Variants in KCNAB2 observed in about 807,000 individuals in gnomAD.
KCNAB2 encodes voltage-gated potassium channel subunit beta-2.
Under a neutral mutation model 63.6 loss-of-function variants are expected in KCNAB2, and 29 were observed. The observed-to-expected ratio is 0.46, with a 90% CI of 0.34 to 0.62. The LOEUF (loss-of-function observed/expected upper bound fraction) is 0.62, where lower values mean the gene tolerates loss of function less well. Among genes scored for constraint, KCNAB2 ranks in the 20% least tolerant of loss-of-function variants. The probability of loss-of-function intolerance (pLI) is 0.01; values close to 1 mark genes in which losing one functional copy is unlikely to be tolerated. For missense variants in KCNAB2, 359 were observed against 563.9 expected, an observed-to-expected ratio of 0.64 and a Z score of 3.68; for synonymous variants, 222 against 224.2, an observed-to-expected ratio of 0.99 and a Z score of 0.09.
chr1:6,072,581 C>T (rs1663297735), intron 2 of KCNAB2, among the ~76,000 whole-genome samples, 174 bp from the exon 3 acceptor site: 2 of 152,194 alleles, frequency 1.3e-5, no homozygotes, highest in African/African-American at 2.4e-5. Context: ...GGCACTTTAC[C>T]CCCGGGGTGG....
At chr1:6,052,129 G>A (rs1382850925) in intron 2 of KCNAB2, among the ~76,000 whole-genome samples, 1 of 151,316 alleles carries the variant, frequency 6.6e-6, no homozygotes, top group Non-Finnish European at 1.5e-5. Context: ...ATGTATAAAG[G>A]AAGAAAATGA....
chr1:5,998,769 C>T (rs6676799), intron 1 of KCNAB2, among the ~76,000 whole-genome samples: 2,256 of 152,306 alleles, frequency 0.015, 56 homozygotes, highest in African/African-American at 0.052. Context: ...GATTCAGCAC[C>T]ACCAGCTTCC....
chr1:6,018,828 C>T (rs1658662593), intron 1 of KCNAB2: 2 of 152,212 alleles, frequency 1.3e-5, no homozygotes, highest in South Asian at 4.1e-4. Flanking sequence ...GCTGTTTCAG[C>T]CACCCAGGTT....
In KCNAB2 at chr1:6,074,377, T is replaced by A. The variant is rs1663487129; in HGVS notation, c.300+607T>A. ...CTTGTATGCCGCCAGCGCCTCTGGG[T>A]CTCTCGGAAGGACAGGGACGGCACA... On this transcript the variant is annotated intron_variant, in intron 4 of 15. Coordinates refer to ENST00000378083, the MANE Select transcript of KCNAB2 (RefSeq NM_001199862.2). This position sits in a 1 kb window ranked among gnomAD's most constrained non-coding sequence, Gnocchi z 4.9. 6.6e-6 allele frequency among the ~76,000 whole-genome samples: 1 copy of A among 152,082 alleles called. No homozygotes were observed. Among genetic ancestry groups the A allele is most frequent in the Non-Finnish European group, 1.5e-5 (1 of 68,024 alleles).
In KCNAB2 at chr1:6,078,461, C is replaced by T. The variant is rs1009002570; in HGVS notation, c.301-3734C>T. ...GAGGGCAGGGGGGCGGGGGTCCTGA[C>T]GACAGGGTGGTCAGGAAGCAGAAGC... On this transcript the variant is annotated intron_variant, in intron 4 of 15. Transcript: ENST00000378083. This position sits in a 1 kb window ranked among gnomAD's most constrained non-coding sequence, Gnocchi z 4.2. Among the ~76,000 whole-genome samples the T allele has an allele frequency of 3.9e-5, 6 of 152,146 alleles. No homozygotes were observed. The highest frequency in any genetic ancestry group is 7.2e-5 in the African/African-American group (3 of 41,494).
chr1:6,009,259 C>T (rs745623932), intron 1 of KCNAB2, among the ~76,000 whole-genome samples: 59 of 152,234 alleles, frequency 3.9e-4, no homozygotes, highest in Non-Finnish European at 8.2e-4. Flanking sequence ...CGGCAGGAGG[C>T]CCGCCTGGTA....
intron 5 of KCNAB2, 82 bp downstream of exon 5, chr1:6,082,356 TC>T: frequency 1.8e-6 from 2 of 1,089,390 alleles, no homozygotes; most frequent in South Asian, 2.5e-5. Context: ...CCGCTCGCGT[TC>T]CCAAGAGTGC....
Position 6,091,183 on chromosome 1 carries a change from G to A in KCNAB2, c.602-80G>A, listed in dbSNP as rs137894125. On this transcript the variant is annotated intron_variant, in intron 9 of 15. Transcript: ENST00000378083. Reference sequence around the variant, plus strand: ...TCTGCACGGTGATTTGTGCCTCCCCGCTGTGCCTTCGTCGTGCCACGCCTC... The same window carrying A: ...TCTGCACGGTGATTTGTGCCTCCCCACTGTGCCTTCGTCGTGCCACGCCTC... 1.5e-3 allele frequency: 1,566 copies of A among 1,026,714 alleles called. 17 individuals are homozygous for A. The African/African-American group carries it at 0.021, about 14-fold the overall frequency. The allele number at this position is 1,026,714 out of a possible 1,614,324, so 63.6% of individuals were successfully genotyped here. A position where few individuals can be genotyped will look rare whatever the true frequency, so the allele number is the denominator to read the frequency against.
intron 2 of KCNAB2, among the ~76,000 whole-genome samples, chr1:6,070,082 A>T (rs1663070453): frequency 6.6e-6 from 1 of 152,064 alleles, no homozygotes; most frequent in Non-Finnish European, 1.5e-5. Context: ...CCCCACAGTC[A>T]CTCGTGGAGG....
intron 2 of KCNAB2, 138 bp from the exon 3 acceptor site, chr1:6,072,617 T>C: frequency 1.1e-6 from 1 of 889,734 alleles, no homozygotes; most frequent in Admixed American, 2.0e-5. Flanking sequence ...TCTCTGAAGG[T>C]CCCCGGTGCC....
intron 4 of KCNAB2, among the ~76,000 whole-genome samples, chr1:6,075,911 A>G (rs1663620180): frequency 6.6e-6 from 1 of 152,192 alleles, no homozygotes; most frequent in Non-Finnish European, 1.5e-5. Context: ...CCTCTAGTCT[A>G]CTTCCTGTCT....
At position 6,090,477 on chromosome 1, in the gene KCNAB2, T is replaced by C; in HGVS notation, c.601+2T>C. ...CGGACCCCAACACCCCGATGGAAGG[T>C]AGGTGGTCTGCGGCGGCGCCACCGG... On this transcript the variant is annotated splice_donor_variant, in intron 9 of 15. Transcript: ENST00000378083. LOFTEE classifies it high-confidence loss of function. The C allele has an allele frequency of 2.5e-6, 4 of 1,612,360 alleles. No homozygotes were observed. The highest frequency in any genetic ancestry group is 1.7e-6 in the Non-Finnish European group (2 of 1,178,956).
At chr1:6,009,351 A>G (rs1201639886) in intron 1 of KCNAB2, among the ~76,000 whole-genome samples, 1 of 152,200 alleles carries the variant, frequency 6.6e-6, no homozygotes, top group Non-Finnish European at 1.5e-5. Context: ...GCAGACCATA[A>G]GCAGGCTGGC....
chr1:6,079,021 T>C (rs1663958340), intron 4 of KCNAB2, among the ~76,000 whole-genome samples: 1 of 152,134 alleles, frequency 6.6e-6, no homozygotes, highest in African/African-American at 2.4e-5. Context: ...GATTCTGGAC[T>C]AATTTGCAGG....
In KCNAB2 at chr1:6,086,536, G is replaced by A. The variant is rs540998562; in HGVS notation, c.426-931G>A. 1.3e-5 allele frequency among the ~76,000 whole-genome samples: 2 copies of A among 152,164 alleles called. No individual in the cohort carries two copies. Among genetic ancestry groups the A allele is most frequent in the African/African-American group, 2.4e-5 (1 of 41,514 alleles). Reference sequence around the variant, plus strand: ...TGCTTCCCTGAGCAGCCCGGGACCCGGGTGGGAAAGAAGCTCAGCCATGGG... The same window carrying A: ...TGCTTCCCTGAGCAGCCCGGGACCCAGGTGGGAAAGAAGCTCAGCCATGGG... On this transcript the variant is annotated intron_variant, in intron 6 of 15. Coordinates refer to ENST00000378083, the MANE Select transcript of KCNAB2 (RefSeq NM_001199862.2). This position sits in a 1 kb window ranked among gnomAD's most constrained non-coding sequence, Gnocchi z 4.2.
intron 2 of KCNAB2, among the ~76,000 whole-genome samples, chr1:6,062,471 T>C (rs1220483785): frequency 1.2e-4 from 19 of 152,214 alleles, no homozygotes; most frequent in Admixed American, 1.2e-3. Context: ...CATAAATTAG[T>C]CTTTCCTGGG....
chr1:6,098,271 G>A, intron 15 of KCNAB2: 1 of 1,372,388 alleles, frequency 7.3e-7, no homozygotes, highest in Middle Eastern at 2.8e-4. Flanking sequence ...CATTTGAGAG[G>A]GAGTGCACAG....
chr1:6,029,429 C>T (rs1659436927), upstream of KCNAB2, among the ~76,000 whole-genome samples: 1 of 152,144 alleles, frequency 6.6e-6, no homozygotes, highest in African/African-American at 2.4e-5. Flanking sequence ...CTGGTAAGAC[C>T]GCTGCCCAGG....
chr1:6,098,753 G>A lies in KCNAB2; in HGVS notation c.*179G>A, dbSNP rs999813297. 4.5e-5 allele frequency: 34 copies of A among 749,110 alleles called. No homozygotes were observed. Among genetic ancestry groups the A allele is most frequent in the African/African-American group, 7.1e-5 (4 of 56,324 alleles). 46.4% of individuals were successfully genotyped at this position (749,110 alleles called of 1,614,324 possible). A position where few individuals can be genotyped will look rare whatever the true frequency, so the allele number is the denominator to read the frequency against. On this transcript the variant is annotated 3_prime_UTR_variant, in exon 16 of 16. Coordinates refer to ENST00000378083, the MANE Select transcript of KCNAB2 (RefSeq NM_001199862.2). ...GCCAGACACCACCCACTGCTTCGCC[G>A]GACAATGTCGAAGTCCAGTCTGTGC...
Sources: gnomAD v4.1 joint callset for allele counts (sites outside exome capture counted in the v4.1 genomes callset) on GRCh38, gnomAD v4.1.1 for gene constraint, Gnocchi (gnomAD v3.1) non-coding constraint, MANE v1.5 for transcripts, NCBI Gene and HGNC (gene_info 2026-07-23, HGNC 2026-07-21) for gene names.